Variants in NELL1 observed in about 807,000 individuals in gnomAD.
The protein encoded by NELL1 is neural EGFL like 1.
A neutral mutation model predicts 107.4 loss-of-function variants in NELL1; 76 were observed. The observed-to-expected ratio is 0.71, with a 90% CI of 0.59 to 0.86. The LOEUF (loss-of-function observed/expected upper bound fraction) is 0.86. Among genes scored for constraint, NELL1 ranks in the 40% least tolerant of loss-of-function variants. The pLI, the probability that NELL1 is intolerant of heterozygous loss-of-function variation, is 0.00. For missense variants in NELL1, 1,024 were observed against 1,005.5 expected, an observed-to-expected ratio of 1.02 and a Z score of -0.25; for synonymous variants, 353 against 341.2, an observed-to-expected ratio of 1.03 and a Z score of -0.38.
At chr11:20,747,569 A>T (rs1856032350) in intron 2 of NELL1, among the ~76,000 whole-genome samples, 1 of 152,252 alleles carries the variant, frequency 6.6e-6, no homozygotes, top group South Asian at 2.1e-4. Context: ...GCATCTATAC[A>T]TCCATAAATG....
chr11:21,191,505 CA>C (rs1287043663), intron 13 of NELL1, among the ~76,000 whole-genome samples: 1 of 151,832 alleles, frequency 6.6e-6, no homozygotes, highest in Non-Finnish European at 1.5e-5. Context: ...TTCAGACCTC[CA>C]AAAGTGGAAG....
chr11:21,311,297 T>A (rs370877033), intron 14 of NELL1, among the ~76,000 whole-genome samples: 2 of 152,242 alleles, frequency 1.3e-5, no homozygotes, highest in East Asian at 3.9e-4. Flanking sequence ...TTTAAGGCGA[T>A]TATTTTGTTA....
chr11:21,557,116 T>C (rs1856734018), intron 16 of NELL1, among the ~76,000 whole-genome samples: 1 of 152,008 alleles, frequency 6.6e-6, no homozygotes, highest in Non-Finnish European at 1.5e-5. Flanking sequence ...ACTAAGAATA[T>C]GAATAATGTT....
chr11:20,814,090 G>A (rs1461829323), intron 3 of NELL1, among the ~76,000 whole-genome samples: 1 of 151,860 alleles, frequency 6.6e-6, no homozygotes, highest in Non-Finnish European at 1.5e-5. Context: ...CCACCTCCCG[G>A]GTTCATGCCA....
At chr11:21,376,787 G>A (rs1027663415) in intron 15 of NELL1, among the ~76,000 whole-genome samples, 11 of 151,668 alleles carry the variant, frequency 7.3e-5, no homozygotes, top group East Asian at 1.9e-4. Context: ...GATGTATTTC[G>A]AGGTATATTT....
rs578237154 is a variant in NELL1, at chr11:21,351,240, C to T, written c.1550-19613C>T. On this transcript the variant is annotated intron_variant, in intron 14 of 19. Transcript: ENST00000357134. ...ATCCTCCAATGTGAACCTATCCAGC[C>T]GACACCTTGATTTCAAACTGAGTGA... 3.9e-5 allele frequency among the ~76,000 whole-genome samples: 6 copies of T among 151,974 alleles called. No homozygotes were observed. The South Asian group carries it at 6.3e-4, about 16-fold the overall frequency.
chr11:21,247,027 C>A (rs1264845462), intron 14 of NELL1, among the ~76,000 whole-genome samples: 1 of 152,058 alleles, frequency 6.6e-6, no homozygotes, highest in East Asian at 1.9e-4. Flanking sequence ...CACAGCCAAA[C>A]CATATCAATA....
At chr11:21,224,264 G>A (rs961851354) in intron 13 of NELL1, among the ~76,000 whole-genome samples, 4 of 151,856 alleles carry the variant, frequency 2.6e-5, no homozygotes, top group East Asian at 1.9e-4. Flanking sequence ...ATTTTTTGAG[G>A]CAAGGTCTCT....
chr11:21,370,595 T>G (rs541454645), intron 14 of NELL1, among the ~76,000 whole-genome samples: 1 of 152,216 alleles, frequency 6.6e-6, no homozygotes, highest in Non-Finnish European at 1.5e-5. Context: ...GTTATAGCGG[T>G]TACTACTAGC....
intron 4 of NELL1, among the ~76,000 whole-genome samples, chr11:20,875,018 T>C (rs993579009): frequency 9.9e-5 from 15 of 152,234 alleles, no homozygotes; most frequent in Admixed American, 3.9e-4. Context: ...CTGTTTATTA[T>C]CTGAGAAGTT....
intron 14 of NELL1, among the ~76,000 whole-genome samples, chr11:21,309,711 G>A (rs1030796911): frequency 6.6e-6 from 1 of 151,956 alleles, no homozygotes; most frequent in African/African-American, 2.4e-5. Flanking sequence ...AGGCAAGGAG[G>A]AGTAAGTCAC....
chr11:21,284,864 T>C (rs1849081162), intron 14 of NELL1: 1 of 298,982 alleles, frequency 3.3e-6, no homozygotes, highest in Non-Finnish European at 6.6e-6. Context: ...ACAACAAAAG[T>C]GTCCACACTG....
intron 15 of NELL1, among the ~76,000 whole-genome samples, chr11:21,373,026 T>C (rs558147548): frequency 1.2e-3 from 178 of 152,048 alleles, no homozygotes; most frequent in Non-Finnish European, 2.4e-3. Flanking sequence ...ATGTAAATAT[T>C]AAAGTTGACA....
At chr11:21,517,922 G>A (rs1043672860) in intron 15 of NELL1, among the ~76,000 whole-genome samples, 1 of 151,852 alleles carries the variant, frequency 6.6e-6, no homozygotes, top group Non-Finnish European at 1.5e-5. Context: ...TTTTCAAGTC[G>A]CAGATGCTTC....
intron 3 of NELL1, among the ~76,000 whole-genome samples, chr11:20,802,814 A>T (rs1044557667): frequency 6.6e-6 from 1 of 152,194 alleles, no homozygotes; most frequent in African/African-American, 2.4e-5. Context: ...TTTCAGCATC[A>T]AGTGAAGTGA....
chr11:20,915,717 A>ATATAT, intron 5 of NELL1, among the ~76,000 whole-genome samples: 4 of 58,228 alleles, frequency 6.9e-5, no homozygotes, highest in Non-Finnish European at 1.2e-4. Flanking sequence ...ATATATATAT[A>ATATAT]TTTTTTTTTT....
At chr11:21,470,300 G>A (rs1448921095) in intron 15 of NELL1, among the ~76,000 whole-genome samples, 1 of 152,008 alleles carries the variant, frequency 6.6e-6, no homozygotes, top group African/African-American at 2.4e-5. Flanking sequence ...TTAGACTCGA[G>A]AGAGCAAAGT....
Position 21,296,426 on chromosome 11 carries a change from G to A in NELL1, c.1549+66972G>A, listed in dbSNP as rs991013360. 2.6e-5 allele frequency among the ~76,000 whole-genome samples: 4 copies of A among 151,010 alleles called. No individual in the cohort carries two copies. The East Asian group carries it at 7.8e-4, about 29-fold the overall frequency. On this transcript the variant is annotated intron_variant, in intron 14 of 19. Transcript: ENST00000357134. Reference sequence around the variant, plus strand: ...TTGTGATGACAATTCTGCATTATATGTATATATATATATCTCTAATCATCA... The same window carrying A: ...TTGTGATGACAATTCTGCATTATATATATATATATATATCTCTAATCATCA...
intron 12 of NELL1, among the ~76,000 whole-genome samples, chr11:20,986,782 C>A (rs1363807526): frequency 6.6e-6 from 1 of 151,884 alleles, no homozygotes; most frequent in Non-Finnish European, 1.5e-5. Flanking sequence ...ATATTTGTAT[C>A]ATTGTACATG....
Sources: gnomAD v4.1 joint callset for allele counts (sites outside exome capture counted in the v4.1 genomes callset) on GRCh38, gnomAD v4.1.1 for gene constraint, MANE v1.5 for transcripts, NCBI Gene and HGNC (gene_info 2026-07-23, HGNC 2026-07-21) for gene names.